The following DNMT3B variants were observed in gnomAD, a reference collection of about 807,000 sequenced individuals.
DNMT3B encodes the protein DNA (cytosine-5)-methyltransferase 3B.
DNMT3B carries 37 observed loss-of-function variants against 120.2 expected under a neutral mutation model. The ratio of observed to expected loss-of-function variants is 0.31; its 90% CI spans 0.24 to 0.40. DNMT3B has a LOEUF of 0.40. Among genes scored for constraint, DNMT3B ranks in the 10% least tolerant of loss-of-function variants. The pLI, the probability that DNMT3B is intolerant of heterozygous loss-of-function variation, is 1.00. For missense variants in DNMT3B, 878 were observed against 1,137.3 expected (o/e 0.77, Z 3.28); for synonymous variants, 412 against 442.8 (o/e 0.93, Z 0.87).
intron 7 of DNMT3B, among the ~76,000 whole-genome samples, 161 bp from the exon 8 acceptor site, chr20:32,791,440 C>T (rs1337954752): frequency 1.3e-5 from 2 of 152,152 alleles, no homozygotes; most frequent in African/African-American, 2.4e-5. Flanking sequence ...CTGCTTTTTT[C>T]TTTCCTTCCT....
In DNMT3B at chr20:32,791,665, A is replaced by G; in HGVS notation, c.878A>G (p.Asn293Ser). 6.2e-7 allele frequency: 1 copy of G among 1,614,146 alleles called. No individual in the cohort carries two copies. The highest frequency in any genetic ancestry group is 8.5e-7 in the Non-Finnish European group (1 of 1,180,002). ...FSQHFNLATF[N>S]KLVSYRKAMY... Reference sequence around the variant, plus strand: ...CAGCACTTTAATTTGGCCACCTTCAATAAGCTCGTCTCCTATCGAAAAGCC... The same window carrying G: ...CAGCACTTTAATTTGGCCACCTTCAGTAAGCTCGTCTCCTATCGAAAAGCC... The change falls in exon 8 of 23, where the codon AAT (asparagine) becomes AGT (serine). Residue 293 changes from asparagine (N) to serine (S), a missense_variant. Physicochemically the swap from Asn to Ser is conservative, Grantham distance 46 (BLOSUM62 1). Around this residue, in one of 4 missense-constraint regions of DNMT3B, gnomAD observed 207 missense variants for 222.6 expected, o/e 0.93. Transcript: ENST00000328111.
Position 32,808,062 on chromosome 20 carries a change from TCTTG to T in DNMT3B, c.*161_*164del. On this transcript the variant is annotated 3_prime_UTR_variant, in exon 23 of 23. Transcript: ENST00000328111. ...CTCAGTGGGGGCAGAGCCACCTGAC[TCTTG>T]CAGGGGTAGCCTGAGGTGCCGCCTC... The T allele has an allele frequency of 1.6e-6, 2 of 1,284,888 alleles. No homozygotes were observed. The highest frequency in any genetic ancestry group is 2.2e-6 in the Non-Finnish European group (2 of 924,594). The allele number at this position is 1,284,888 out of a possible 1,614,324, so 79.6% of individuals were successfully genotyped here.
At chr20:32,779,700 C>G (rs1330061906) in intron 1 of DNMT3B, among the ~76,000 whole-genome samples, 1 of 151,784 alleles carries the variant, frequency 6.6e-6, no homozygotes, top group Non-Finnish European at 1.5e-5. Context: ...TGAGCCCCAG[C>G]TGGTGAGGGA....
chr20:32,779,489 G>T (rs1978333052), intron 1 of DNMT3B, among the ~76,000 whole-genome samples: 1 of 152,266 alleles, frequency 6.6e-6, no homozygotes, highest in Non-Finnish European at 1.5e-5. Context: ...CAGCCCAGAG[G>T]TTATAGCCTG....
chr20:32,773,756 C>A (rs562264199), intron 1 of DNMT3B, among the ~76,000 whole-genome samples: 1 of 151,404 alleles, frequency 6.6e-6, no homozygotes, highest in Non-Finnish European at 1.5e-5. Context: ...GGACTACAGG[C>A]GAGTAGCTAG....
At chr20:32,777,498 C>T (rs931079621) in intron 1 of DNMT3B, among the ~76,000 whole-genome samples, 2 of 152,232 alleles carry the variant, frequency 1.3e-5, no homozygotes, top group African/African-American at 4.8e-5. Flanking sequence ...TGGATGAAGG[C>T]GAAGGAGGTC....
intron 20 of DNMT3B, 95 bp from the exon 21 acceptor site, chr20:32,805,243 G>A (rs563127441): frequency 1.4e-6 from 2 of 1,430,772 alleles, no homozygotes; most frequent in African/African-American, 1.4e-5. Flanking sequence ...CACTGCCAGG[G>A]CACATCTCTG....
intron 1 of DNMT3B, among the ~76,000 whole-genome samples, chr20:32,765,433 T>C (rs990832857): frequency 2.0e-5 from 3 of 150,596 alleles, no homozygotes; most frequent in South Asian, 2.1e-4. Flanking sequence ...TTTCTTTTTT[T>C]TTTTTTTGAG....
At chr20:32,783,765 G>T (rs189421311) in intron 3 of DNMT3B, among the ~76,000 whole-genome samples, 3 of 151,960 alleles carry the variant, frequency 2.0e-5, no homozygotes, top group Non-Finnish European at 4.4e-5. Flanking sequence ...CCAGTCTGTC[G>T]CCCAGGCTGG....
At position 32,789,108 on chromosome 20, in the gene DNMT3B, G is replaced by A. The variant is rs1181522714; in HGVS notation, c.813+96G>A. 5.8e-6 allele frequency: 9 copies of A among 1,551,202 alleles called. No homozygotes were observed. The East Asian group carries it at 1.9e-4, about 32-fold the overall frequency. ...AGGCCTGGGATTGTATTCTGCAGAT[G>A]TGTGAGCCTATGCCTTCACACTGTC... is the stretch of plus-strand genomic sequence containing the variant. On this transcript the variant is annotated intron_variant, in intron 7 of 22. Coordinates refer to ENST00000328111, the MANE Select transcript of DNMT3B (RefSeq NM_006892.4).
At chr20:32,793,508 C>CTGTTT (rs776116311) in intron 9 of DNMT3B, 28 bp from the exon 10 acceptor site, 3 of 1,612,072 alleles carry the variant, frequency 1.9e-6, no homozygotes, top group Non-Finnish European at 2.5e-6. Flanking sequence ...AATGTTTTTT[C>CTGTTT]TGTTTTGTTT....
chr20:32,795,569 G>A (rs1318528856), intron 11 of DNMT3B, 35 bp downstream of exon 11: 1 of 1,614,146 alleles, frequency 6.2e-7, no homozygotes, highest in Non-Finnish European at 8.5e-7. Flanking sequence ...TGGGACAGAT[G>A]GGAGGAGGAC....
At chr20:32,800,651 G>A (rs1210928176) in intron 17 of DNMT3B, among the ~76,000 whole-genome samples, 184 bp from the exon 18 acceptor site, 1 of 152,150 alleles carries the variant, frequency 6.6e-6, no homozygotes, top group Non-Finnish European at 1.5e-5. Context: ...TAGAGTTGGG[G>A]TTTCTCCATG....
intron 7 of DNMT3B, 40 bp downstream of exon 7, chr20:32,789,052 G>T (rs1979662696): frequency 6.2e-7 from 1 of 1,608,992 alleles, no homozygotes; most frequent in African/African-American, 1.3e-5. Flanking sequence ...CAGGCCTGAG[G>T]CTGTGCCTGC....
intron 8 of DNMT3B, among the ~76,000 whole-genome samples, chr20:32,792,156 C>A (rs528027938): frequency 2.6e-5 from 4 of 152,312 alleles, no homozygotes; most frequent in African/African-American, 9.6e-5. Flanking sequence ...TAAGAGCCAA[C>A]CTCTTCTCAT....
chr20:32,773,362 C>T (rs1987861931), intron 1 of DNMT3B, among the ~76,000 whole-genome samples: 1 of 152,148 alleles, frequency 6.6e-6, no homozygotes, highest in African/African-American at 2.4e-5. Context: ...TACATGTACT[C>T]ATGACCTAGA....
chr20:32,767,648 G>C (rs1271653380), intron 1 of DNMT3B, among the ~76,000 whole-genome samples: 2 of 152,078 alleles, frequency 1.3e-5, no homozygotes, highest in African/African-American at 4.8e-5. Context: ...TGTTGCCCCA[G>C]CTGGTCTCAA....
chr20:32,806,230 A>G lies in DNMT3B; in HGVS notation c.2323A>G (p.Thr775Ala). 1 of 1,614,152 alleles carries G rather than the reference A, an allele frequency of 6.2e-7. No individual in the cohort carries two copies. ...IAKLKKVQTI[T>A]TKSNSIKQGK... is the part of the protein sequence containing the mutation. ...CCAGTTAAAGAAAGTACAGACAATA[A>G]CCACCAAGTCGAACTCGATCAAACA... Residue 775 changes from threonine to alanine, a missense_variant, in exon 22 of 23, where the codon ACC (threonine) becomes GCC (alanine). This residue lies in a region of DNMT3B where 334 missense variants were observed against 518.8 expected (regional missense o/e 0.64). Coordinates refer to ENST00000328111, the MANE Select transcript of DNMT3B (RefSeq NM_006892.4).
At chr20:32,780,112 CCA>C (rs755162607) in intron 1 of DNMT3B, 601 of 1,613,464 alleles carry the variant, frequency 3.7e-4, no homozygotes, top group Non-Finnish European at 4.8e-4. Flanking sequence ...GACAGCCTGT[CCA>C]CATGGAACCA....
Sources: gnomAD v4.1 joint callset for allele counts (sites outside exome capture counted in the v4.1 genomes callset) on GRCh38, gnomAD v4.1.1 for gene constraint, gnomAD v4.1.1 regional missense constraint, MANE v1.5 for transcripts, NCBI Gene and HGNC (gene_info 2026-07-23, HGNC 2026-07-21) for gene names.